Variants in ZNF121 observed in about 807,000 individuals in gnomAD.
ZNF121 encodes the protein zinc finger protein 121 (clone ZHC32).
A neutral mutation model predicts 2.4 loss-of-function variants in ZNF121; 1 was observed. The ratio of observed to expected loss-of-function variants is 0.41; its 90% CI spans 0.15 to 1.94. ZNF121 has a LOEUF of 1.94. ZNF121 is among the 30% of genes most tolerant of loss of function. The pLI is 0.30. For missense variants in ZNF121, 369 were observed against 466.3 expected (o/e 0.79, Z 1.92); for synonymous variants, 173 against 158.6 (o/e 1.09, Z -0.68).
At chr19:9,583,489 CTTTTTTTTT>C (rs1185311747) in intron 1 of ZNF121, among the ~76,000 whole-genome samples, 1 of 56,388 alleles carries the variant, frequency 1.8e-5, no homozygotes, top group Non-Finnish European at 2.9e-5. Flanking sequence ...CCAAGCCTGG[CTTTTTTTTT>C]TTTTTTTTTT....
rs893817980 is a variant in ZNF121 at position 9,564,008 on chromosome 19, C to T, written c.*1932G>A. 6.6e-6 allele frequency: 1 copy of T among 152,176 alleles called. No homozygotes were observed. Among genetic ancestry groups the T allele is most frequent in the African/African-American group, 2.4e-5 (1 of 41,440 alleles). The allele number at this position is 152,176 out of a possible 1,614,324, so 9.4% of individuals were successfully genotyped here. ...AACAAGATTGGCGTTTTCATGTCTG[C>T]TAACCGCAGCCCATGGATTCTGGAA... is the stretch of plus-strand genomic sequence containing the variant. On this transcript the variant is annotated 3_prime_UTR_variant, in exon 4 of 4. Coordinates refer to ENST00000320451, the MANE Select transcript of ZNF121 (RefSeq NM_001008727.5).
intron 1 of ZNF121, among the ~76,000 whole-genome samples, chr19:9,571,186 T>C (rs67835990): frequency 0.17 from 26,234 of 152,152 alleles, 3,595 homozygotes; most frequent in African/African-American, 0.38. Flanking sequence ...GCATGGAAAA[T>C]ACCATAGAAA....
intron 1 of ZNF121, among the ~76,000 whole-genome samples, chr19:9,581,929 G>A (rs541134456): frequency 2.6e-5 from 4 of 152,236 alleles, no homozygotes; most frequent in Admixed American, 1.3e-4. Context: ...CAAGTATCAC[G>A]TGTGCAATTA....
chr19:9,565,763 T>C lies in ZNF121; in HGVS notation c.*177A>G, dbSNP rs538802080. 170 of 395,642 alleles carry C rather than the reference T, an allele frequency of 4.3e-4. 5 individuals carry two copies. In the South Asian group the frequency reaches 0.018, roughly 41 times the overall value. 24.5% of individuals were successfully genotyped at this position (395,642 alleles called of 1,614,324 possible). On this transcript the variant is annotated 3_prime_UTR_variant, in exon 4 of 4. Coordinates refer to ENST00000320451, the MANE Select transcript of ZNF121 (RefSeq NM_001008727.5). ...GGCTCCCTAACATTCCTAAAATTTA[T>C]AGGGGACACATAGAGTATGAGTTCT...
At chr19:9,575,900 G>A (rs1465015750) in intron 1 of ZNF121, among the ~76,000 whole-genome samples, 1 of 151,570 alleles carries the variant, frequency 6.6e-6, no homozygotes, top group Non-Finnish European at 1.5e-5. Context: ...CTGCAGTGCA[G>A]TAATAATAGT....
chr19:9,570,066 C>T (rs1032073470), intron 1 of ZNF121, among the ~76,000 whole-genome samples: 4 of 151,730 alleles, frequency 2.6e-5, no homozygotes, highest in South Asian at 2.1e-4. Context: ...ATTAGCAGGG[C>T]GTGGTGGCAC....
In ZNF121 at chr19:9,570,239, C is replaced by T. The variant is rs183155431; in HGVS notation, c.-159-1157G>A. Among the ~76,000 whole-genome samples, 6 of 152,146 alleles carry T rather than the reference C, an allele frequency of 3.9e-5. 1 individual carries two copies. Among genetic ancestry groups the T allele is most frequent in the Admixed American group, 1.3e-4 (2 of 15,278 alleles). ...AGAATCAGAGAGCTTCTTTAGGACA[C>T]CCCTGAAATAAAGTTATTTCTTATG... On this transcript the variant is annotated intron_variant, in intron 1 of 3. Coordinates refer to ENST00000320451, the MANE Select transcript of ZNF121 (RefSeq NM_001008727.5).
chr19:9,568,059 T>C (rs1423716910), intron 3 of ZNF121, 36 bp downstream of exon 3: 1 of 1,535,956 alleles, frequency 6.5e-7, no homozygotes, highest in East Asian at 2.3e-5. Context: ...TCCCAATCTT[T>C]TTTTGAGTGT....
At chr19:9,577,343 A>C (rs1283289180) in intron 1 of ZNF121, among the ~76,000 whole-genome samples, 1 of 152,020 alleles carries the variant, frequency 6.6e-6, no homozygotes, top group Non-Finnish European at 1.5e-5. Flanking sequence ...CCTGCTACTA[A>C]GGAGGCTGAG....
Position 9,566,820 on chromosome 19 carries a change from A to G in ZNF121, c.293T>C (p.Val98Ala). 6.2e-7 allele frequency: 1 copy of G among 1,614,220 alleles called. No homozygotes were observed. Among genetic ancestry groups the G allele is most frequent in the Non-Finnish European group, 8.5e-7 (1 of 1,180,044 alleles). The change falls in exon 4 of 4, where the codon GTT becomes GCT. Residue 98 changes from valine to alanine, a missense_variant. By Grantham distance (64) the Val-to-Ala change is moderately conservative. Transcript: ENST00000320451. ...ATTTGCCTGAAGATGTGACTGATCAACAAAGGCTTCCTCACAGTCACTGTA... is the reference window on the plus strand; with the variant it reads ...ATTTGCCTGAAGATGTGACTGATCAGCAAAGGCTTCCTCACAGTCACTGTA... The part of the protein sequence containing the change: ...FEYSDCEEAF[V>A]DQSHLQANRI...
intron 1 of ZNF121, among the ~76,000 whole-genome samples, chr19:9,577,973 A>G (rs2074223136): frequency 6.6e-6 from 1 of 151,722 alleles, no homozygotes; most frequent in Admixed American, 6.6e-5. Flanking sequence ...TGGGCAGACC[A>G]CGAGGTCAGG....
rs2074130870 is a variant in ZNF121, at chr19:9,566,240, T to C, written c.873A>G (p.Lys291=). Residue 291 remains lysine (K), a synonymous_variant, in exon 4 of 4, where the codon AAA becomes AAG. Transcript: ENST00000320451. ...IKPYKCKECG[K]AFTVSSSLHN... ...GTAAGCTTGAGGAAACAGTGAATGC[T>C]TTCCCACACTCCTTACATTTATAGG... The C allele has an allele frequency of 6.2e-7, 1 of 1,614,072 alleles. No homozygotes were observed. The highest frequency in any genetic ancestry group is 1.3e-5 in the African/African-American group (1 of 74,938).
chr19:9,568,925 C>G (rs994111974), intron 2 of ZNF121, 77 bp downstream of exon 2: 1 of 152,474 alleles, frequency 6.6e-6, no homozygotes, highest in African/African-American at 2.4e-5. Context: ...TGACAAAGTA[C>G]ATCTTTTAAA....
chr19:9,583,768 T>G (rs1450262264), intron 1 of ZNF121, among the ~76,000 whole-genome samples: 2 of 152,120 alleles, frequency 1.3e-5, no homozygotes, highest in South Asian at 4.1e-4. Flanking sequence ...ACCTCCCAAA[T>G]GGCTGGGACT....
chr19:9,568,146 G>A lies in ZNF121; in HGVS notation c.-49C>T. The A allele has an allele frequency of 1.3e-6, 2 of 1,514,900 alleles. No homozygotes were observed. Among genetic ancestry groups the A allele is most frequent in the Non-Finnish European group, 1.8e-6 (2 of 1,117,232 alleles). 93.8% of individuals were successfully genotyped at this position (1,514,900 alleles called of 1,614,324 possible). A position where few individuals can be genotyped will look rare whatever the true frequency, so the allele number is the denominator to read the frequency against. On this transcript the variant is annotated 5_prime_UTR_variant, in exon 3 of 4. Coordinates refer to ENST00000320451, the MANE Select transcript of ZNF121 (RefSeq NM_001008727.5). ...TAAGCCAAAAAAAAATGTTGTTGAG[G>A]TGCTGACACTTTGGTTTTAACTTGC...
intron 1 of ZNF121, among the ~76,000 whole-genome samples, chr19:9,583,738 C>T (rs1379050228): frequency 6.6e-6 from 1 of 152,070 alleles, no homozygotes; most frequent in Non-Finnish European, 1.5e-5. Context: ...CTCCTGACCT[C>T]AGGTGATCTG....
chr19:9,578,381 G>A lies in ZNF121; in HGVS notation c.-160+6080C>T, dbSNP rs567399945. Among the ~76,000 whole-genome samples the A allele has an allele frequency of 8.5e-4, 129 of 151,914 alleles. 1 individual carries two copies. The highest frequency in any genetic ancestry group is 7.7e-4 in the East Asian group (4 of 5,168). ...TGCACTCCAGCCTGGGAGACAGAGC[G>A]AGACTTAGTCTCAAAAAAAAAAAGA... On this transcript the variant is annotated intron_variant, in intron 1 of 3. Transcript: ENST00000320451.
chr19:9,571,265 T>C (rs1446018472), intron 1 of ZNF121, among the ~76,000 whole-genome samples: 1 of 152,212 alleles, frequency 6.6e-6, no homozygotes, highest in Non-Finnish European at 1.5e-5. Flanking sequence ...GAGAGACAGA[T>C]ATGGCCCATG....
At chr19:9,571,283 G>A (rs914122401) in intron 1 of ZNF121, among the ~76,000 whole-genome samples, 7 of 152,170 alleles carry the variant, frequency 4.6e-5, no homozygotes, top group South Asian at 2.1e-4. Flanking sequence ...ATGGGCCATA[G>A]TGTACCAATC....
Sources: allele counts gnomAD v4.1 joint callset (sites outside exome capture counted in the v4.1 genomes callset), GRCh38; gene constraint gnomAD v4.1.1; transcripts MANE v1.5; gene names NCBI Gene and HGNC (gene_info 2026-07-23, HGNC 2026-07-21).